Variants in PRAME observed in about 807,000 individuals in gnomAD.
PRAME encodes PRAME nuclear receptor transcriptional regulator, also known as melanoma antigen preferentially expressed in tumors.
PRAME carries 21 observed loss-of-function variants against 32.1 expected under a neutral mutation model. The observed-to-expected ratio is 0.65, with a 90% CI of 0.46 to 0.94. The LOEUF (loss-of-function observed/expected upper bound fraction) is 0.94, where lower values mean the gene tolerates loss of function less well. Among genes scored for constraint, PRAME ranks in the 40% least tolerant of loss-of-function variants. The pLI is 0.00. For missense variants in PRAME, 651 were observed against 622.3 expected, an observed-to-expected ratio of 1.05 and a Z score of -0.49; for synonymous variants, 274 against 251.5, an observed-to-expected ratio of 1.09 and a Z score of -0.85.
chr22:22,550,459 G>T, intron 4 of PRAME, 125 bp from the exon 5 acceptor site: 1 of 1,298,876 alleles, frequency 7.7e-7, no homozygotes, highest in Non-Finnish European at 1.0e-6. Flanking sequence ...CTTTTACTTC[G>T]TACTTCAGGC....
chr22:22,554,106 T>C (rs1004078280), intron 3 of PRAME: 16 of 984,956 alleles, frequency 1.6e-5, no homozygotes, highest in African/African-American at 1.6e-4. Flanking sequence ...TCACAAAAAA[T>C]TGAAGTTATA....
Position 22,549,731 on chromosome 22 carries a change from C to A in PRAME, c.948G>T (p.Leu316Phe), listed in dbSNP as rs1320141294. 6 of 1,598,344 alleles carry A rather than the reference C, an allele frequency of 3.8e-6. No homozygotes were observed. The highest frequency in any genetic ancestry group is 5.1e-6 in the Non-Finnish European group (6 of 1,174,240). Residue 316 changes from leucine to phenylalanine, a missense_variant, in exon 5 of 6, where the codon TTG becomes TTT. Coordinates refer to ENST00000405655, the MANE Select transcript of PRAME (RefSeq NM_206956.3). ...LFFLRGRLDQ[L>F]LRHVMNPLET... ...GAAATCTCACCATCCCTCACCTGAG[C>A]AACTGATCCAGGCGGCCTCTAAGGA...
At position 22,548,550 on chromosome 22, in the gene PRAME, A is replaced by G. The variant is rs933195145; in HGVS notation, c.1047T>C (p.Ser349=). The change falls in exon 6 of 6, where the codon AGT becomes AGC. Residue 349 remains serine, a synonymous_variant. Transcript: ENST00000405655. The part of the protein sequence containing the change: ...VMHLSQSPSV[S]QLSVLSLSGV... Reference sequence around the variant, plus strand: ...CACTTAGACTCAGGACACTTAGCTGACTGACGCTGGGACTCTGGGACAGAT... The same window carrying G: ...CACTTAGACTCAGGACACTTAGCTGGCTGACGCTGGGACTCTGGGACAGAT... The G allele has an allele frequency of 6.2e-7, 1 of 1,613,528 alleles. No individual in the cohort carries two copies. Among genetic ancestry groups the G allele is most frequent in the Non-Finnish European group, 8.5e-7 (1 of 1,179,924 alleles).
At chr22:22,555,701 C>T (rs2062865134) in intron 3 of PRAME, 4 of 367,452 alleles carry the variant, frequency 1.1e-5, no homozygotes, top group African/African-American at 4.2e-5. Flanking sequence ...CGCACTGTGC[C>T]GTCCTTGAGC....
chr22:22,553,575 TC>T (rs2062729454), intron 3 of PRAME, among the ~76,000 whole-genome samples: 2 of 151,806 alleles, frequency 1.3e-5, no homozygotes, highest in South Asian at 4.2e-4. Context: ...AGTTCAATCT[TC>T]CTCCCTCCCT....
Position 22,551,034 on chromosome 22 carries a change from A to G in PRAME, c.77T>C (p.Leu26Pro), listed in dbSNP as rs1213856142. Residue 26 changes from leucine (L) to proline (P), a missense_variant, in exon 4 of 6, where the codon CTT becomes CCT. Physicochemically the swap from Leu to Pro is moderately conservative, Grantham distance 98. Coordinates refer to ENST00000405655, the MANE Select transcript of PRAME (RefSeq NM_206956.3). The part of the protein sequence containing the change: ...SMSVWTSPRR[L>P]VELAGQSLLK... ...CAGGCTCTGCCCTGCCAGCTCCACA[A>G]GTCTCCGTGGGCTTGTCCACACACT... 1.9e-6 allele frequency: 3 copies of G among 1,609,888 alleles called. No homozygotes were observed. Among genetic ancestry groups the G allele is most frequent in the African/African-American group, 2.7e-5 (2 of 74,786 alleles).
intron 3 of PRAME, among the ~76,000 whole-genome samples, chr22:22,556,158 C>T (rs576134165): frequency 3.3e-5 from 5 of 151,646 alleles, no homozygotes; most frequent in South Asian, 2.1e-4. Context: ...GGCCACCACG[C>T]CCAGCTAATT....
rs750138540 is a variant in PRAME at position 22,548,425 on chromosome 22, G to A, written c.1172C>T (p.Thr391Met). 3.7e-6 allele frequency: 6 copies of A among 1,613,558 alleles called. No individual in the cohort carries two copies. In the South Asian group the frequency reaches 4.4e-5, roughly 12 times the overall value. Residue 391 changes from threonine to methionine, a missense_variant, in exon 6 of 6, where the codon ACG (threonine) becomes ATG (methionine). Coordinates refer to ENST00000405655, the MANE Select transcript of PRAME (RefSeq NM_206956.3). The part of the protein sequence containing the change: ...QDLVFDECGI[T>M]DDQLLALLPS... ...CAGGAGGGCAAGGAGCTGATCATCC[G>A]TGATCCCACACTCATCAAAGACCAG... is the stretch of plus-strand genomic sequence containing the variant.
At chr22:22,548,772 A>AAGGAGCATTCAAGGAGTACAAGTT in intron 5 of PRAME, 129 bp from the exon 6 acceptor site, 1 of 866,958 alleles carries the variant, frequency 1.2e-6, no homozygotes, top group Admixed American at 2.7e-5. Context: ...CCATGCTGTA[A>AAGGAGCATTCAAGGAGTACAAGTT]CGGAGCATTC....
chr22:22,552,768 T>G (rs777524085), intron 3 of PRAME: 8 of 466,052 alleles, frequency 1.7e-5, no homozygotes, highest in South Asian at 1.2e-4. Flanking sequence ...GAGGTGACAG[T>G]AGAAGGAGGC....
At chr22:22,554,580 G>C (rs2062789526) in intron 3 of PRAME, among the ~76,000 whole-genome samples, 1 of 151,918 alleles carries the variant, frequency 6.6e-6, no homozygotes, top group Non-Finnish European at 1.5e-5. Flanking sequence ...GGCCGCAGCA[G>C]CTCTCATTCA....
intron 3 of PRAME, among the ~76,000 whole-genome samples, chr22:22,554,955 C>T (rs1214482582): frequency 2.0e-5 from 3 of 151,972 alleles, no homozygotes; most frequent in Non-Finnish European, 2.9e-5. Flanking sequence ...GGCAGTGACA[C>T]TCCTCTGTCC....
chr22:22,559,228 G>A lies in PRAME; in HGVS notation c.-371C>T, dbSNP rs565105300. ...GTGGGGTGTCCCGGAGCGGTGCTGA[G>A]GCGCTGCAGGCCCGGCTTCTGGCTG... On this transcript the variant is annotated 5_prime_UTR_variant, in exon 1 of 6. Transcript: ENST00000405655. The A allele has an allele frequency of 8.4e-5, 26 of 309,382 alleles. No individual in the cohort carries two copies. The Admixed American group carries it at 1.3e-3, about 16-fold the overall frequency. 19.2% of individuals were successfully genotyped at this position (309,382 alleles called of 1,614,324 possible). A position where few individuals can be genotyped will look rare whatever the true frequency, so the allele number is the denominator to read the frequency against.
At chr22:22,554,196 C>T in intron 3 of PRAME, 1 of 985,150 alleles carries the variant, frequency 1.0e-6, no homozygotes, top group South Asian at 4.7e-5. Context: ...GTTTTGGAAC[C>T]TCTCCACCCA....
chr22:22,554,970 T>G (rs868665440), intron 3 of PRAME, among the ~76,000 whole-genome samples: 2 of 151,966 alleles, frequency 1.3e-5, no homozygotes, highest in Non-Finnish European at 2.9e-5. Context: ...CTGTCCAGCT[T>G]CACACTGCCA....
chr22:22,558,527 TG>T (rs1304802266), intron 1 of PRAME, among the ~76,000 whole-genome samples: 1 of 29,380 alleles, frequency 3.4e-5, no homozygotes, highest in African/African-American at 1.4e-4. Flanking sequence ...AGGCAGAGAG[TG>T]GGGGAGGGGG....
intron 3 of PRAME, among the ~76,000 whole-genome samples, chr22:22,555,245 C>T (rs968011843): frequency 6.6e-6 from 1 of 151,770 alleles, no homozygotes; most frequent in Non-Finnish European, 1.5e-5. Context: ...CAGTGGGGAC[C>T]CCCGAAGTAT....
At chr22:22,553,699 G>C (rs2062736386) in intron 3 of PRAME, 1 of 770,286 alleles carries the variant, frequency 1.3e-6, no homozygotes, top group South Asian at 5.9e-5. Context: ...TAATATTGGT[G>C]ACCAAACCTA....
intron 3 of PRAME, chr22:22,554,083 A>T: frequency 1.0e-6 from 1 of 961,588 alleles, no homozygotes; most frequent in South Asian, 5.0e-5. Context: ...ACAGTGCACA[A>T]ATACATTTTC....
Sources: gnomAD v4.1 joint callset for allele counts (sites outside exome capture counted in the v4.1 genomes callset) on GRCh38, gnomAD v4.1.1 for gene constraint, MANE v1.5 for transcripts, NCBI Gene and HGNC (gene_info 2026-07-23, HGNC 2026-07-21) for gene names.